The following VPS13B variants were observed in gnomAD, a reference collection of about 807,000 sequenced individuals.
VPS13B encodes the protein intermembrane lipid transfer protein VPS13B.
Under a neutral mutation model 426.4 loss-of-function variants are expected in VPS13B, and 285 were observed. The observed-to-expected ratio is 0.67, with a 90% CI of 0.61 to 0.74. The LOEUF (loss-of-function observed/expected upper bound fraction) is 0.74. Among genes scored for constraint, VPS13B ranks in the 30% least tolerant of loss-of-function variants. The pLI is 0.00. For missense variants in VPS13B, 4,537 were observed against 4,782.6 expected (o/e 0.95, Z 1.51); for synonymous variants, 1,676 against 1,676.4 (o/e 1.00, Z 0.01).
intron 23 of VPS13B, among the ~76,000 whole-genome samples, chr8:99,459,289 G>A (rs1818706480): frequency 6.6e-6 from 1 of 152,074 alleles, no homozygotes. Context: ...TTGAGTTTCT[G>A]TCTAATTATT....
In VPS13B at chr8:99,832,522, G is replaced by A; in HGVS notation, c.9484G>A (p.Gly3162Ser). Residue 3162 changes from glycine (G) to serine (S), a missense_variant, in exon 52 of 62, where the codon GGC (glycine) becomes AGC (serine). By Grantham distance (56) the Gly-to-Ser change is moderately conservative. Transcript: ENST00000357162. ...CCTGCTTCAGAAACAGATCATGCTGGGCTTTTCTCCTGCCCCAGGTGCTGA... is the reference window on the plus strand; with the variant it reads ...CCTGCTTCAGAAACAGATCATGCTGAGCTTTTCTCCTGCCCCAGGTGCTGA... Reference protein sequence around the residue: ...ASLLQKQIMLGFSPAPGADSS... With the variant: ...ASLLQKQIMLSFSPAPGADSS... 6.2e-7 allele frequency: 1 copy of A among 1,613,662 alleles called. No homozygotes were observed. Among genetic ancestry groups the A allele is most frequent in the African/African-American group, 1.3e-5 (1 of 74,890 alleles).
At chr8:99,263,521 C>A (rs1818156121) in intron 17 of VPS13B, among the ~76,000 whole-genome samples, 2 of 152,054 alleles carry the variant, frequency 1.3e-5, no homozygotes. Context: ...TAAGATAAAA[C>A]CCCTTTCCCT....
intron 19 of VPS13B, among the ~76,000 whole-genome samples, chr8:99,338,954 A>C (rs907227709): frequency 1.3e-5 from 2 of 152,202 alleles, no homozygotes; most frequent in African/African-American, 4.8e-5. Context: ...TGAGTATCAC[A>C]GATCAAAAAG....
intron 30 of VPS13B, among the ~76,000 whole-genome samples, chr8:99,548,943 C>T (rs945916220): frequency 2.0e-5 from 3 of 151,938 alleles, no homozygotes; most frequent in Non-Finnish European, 4.4e-5. Context: ...GCTAATTCTT[C>T]AAAATATAAT....
chr8:99,159,172 A>T (rs956331358), intron 15 of VPS13B, among the ~76,000 whole-genome samples: 1 of 152,210 alleles, frequency 6.6e-6, no homozygotes, highest in African/African-American at 2.4e-5. Flanking sequence ...CAAGAGAACT[A>T]GAATTGGTGT....
intron 19 of VPS13B, among the ~76,000 whole-genome samples, chr8:99,308,101 G>A (rs1047259526): frequency 1.3e-5 from 2 of 151,408 alleles, no homozygotes; most frequent in Non-Finnish European, 2.9e-5. Context: ...ATCCCATTGT[G>A]GCCTGAGAAG....
chr8:99,861,802 G>A lies in VPS13B; in HGVS notation c.11071G>A (p.Ala3691Thr), dbSNP rs142476821. 8,766 of 1,597,778 alleles carry A rather than the reference G, an allele frequency of 5.5e-3. 39 individuals are homozygous for A. The highest frequency in any genetic ancestry group is 6.9e-3 in the Non-Finnish European group (8,141 of 1,172,348). Residue 3691 changes from alanine (A) to threonine (T), a missense_variant, in exon 58 of 62, where the codon GCC (alanine) becomes ACC (threonine). Physicochemically the swap from Ala to Thr is moderately conservative, Grantham distance 58 (BLOSUM62 0). Coordinates refer to ENST00000357162, the MANE Select transcript of VPS13B (RefSeq NM_152564.5). Reference sequence around the variant, plus strand: ...TACCCTCACATCCATCACCAACCTCGCCACAAGCCTGGCCCGGAACATGGA... The same window carrying A: ...TACCCTCACATCCATCACCAACCTCACCACAAGCCTGGCCCGGAACATGGA... ...KGTLTSITNLATSLARNMDRL... is the reference protein window; with the variant it reads ...KGTLTSITNLTTSLARNMDRL...
intron 17 of VPS13B, among the ~76,000 whole-genome samples, chr8:99,262,539 CT>C (rs1487601868): frequency 2.0e-5 from 3 of 151,638 alleles, no homozygotes; most frequent in Non-Finnish European, 4.4e-5. Flanking sequence ...TGTGATAAAT[CT>C]TCCCCTCATT....
intron 33 of VPS13B, among the ~76,000 whole-genome samples, chr8:99,612,093 C>T (rs1165710857): frequency 6.6e-6 from 1 of 152,108 alleles, no homozygotes; most frequent in Non-Finnish European, 1.5e-5. Context: ...GTAAGTGATA[C>T]AGCCATGATT....
chr8:99,090,308 C>T (rs1846072091), intron 3 of VPS13B, among the ~76,000 whole-genome samples: 1 of 150,116 alleles, frequency 6.7e-6, no homozygotes, highest in Non-Finnish European at 1.5e-5. Flanking sequence ...CTCTCTGTCA[C>T]CCAGGCAGGA....
intron 52 of VPS13B, among the ~76,000 whole-genome samples, chr8:99,832,878 G>A (rs1169140973): frequency 2.6e-5 from 4 of 152,078 alleles, no homozygotes; most frequent in Non-Finnish European, 5.9e-5. Context: ...GCTTACGCTG[G>A]GGGGAAATGA....
intron 15 of VPS13B, among the ~76,000 whole-genome samples, chr8:99,158,475 A>C (rs557332338): frequency 6.6e-6 from 1 of 152,116 alleles, no homozygotes; most frequent in Non-Finnish European, 1.5e-5. Flanking sequence ...AGAGGTTGCA[A>C]TGAGCCAAGA....
At chr8:99,093,612 G>A (rs1846276166) in intron 3 of VPS13B, among the ~76,000 whole-genome samples, 1 of 148,118 alleles carries the variant, frequency 6.8e-6, no homozygotes, top group Non-Finnish European at 1.5e-5. Context: ...TCCCACCTAT[G>A]AGTGAGAATA....
At chr8:99,569,563 G>A (rs1825373314) in intron 31 of VPS13B, among the ~76,000 whole-genome samples, 1 of 152,014 alleles carries the variant, frequency 6.6e-6, no homozygotes, top group Admixed American at 6.5e-5. Flanking sequence ...CCTACTTCTG[G>A]TCTTTCATAA....
At chr8:99,494,890 T>C (rs1820806637) in intron 25 of VPS13B, among the ~76,000 whole-genome samples, 1 of 151,930 alleles carries the variant, frequency 6.6e-6, no homozygotes, top group Admixed American at 6.6e-5. Context: ...ACTGGCCCTT[T>C]ATTGCTTTTA....
At chr8:99,677,401 A>G (rs1367537046) in intron 35 of VPS13B, among the ~76,000 whole-genome samples, 1 of 152,158 alleles carries the variant, frequency 6.6e-6, no homozygotes, top group East Asian at 1.9e-4. Context: ...TTCCAGTGTC[A>G]GTGCTATATT....
In VPS13B at chr8:99,717,172, C is replaced by A. The variant is rs141845131; in HGVS notation, c.6456C>A (p.Gly2152=). The A allele has an allele frequency of 3.7e-6, 6 of 1,610,686 alleles. No homozygotes were observed. The Admixed American group carries it at 5.0e-5, about 13-fold the overall frequency. ...TACTCTTCTGTATTTTTTTTTCAGG[C>A]ATAATTCTTGGGTCATCATTTCTAC... ...LSVKATQKVP[G]IILGSSFLLS... is the part of the protein sequence containing the mutation. Residue 2152 remains glycine (G), a splice_region_variant and synonymous_variant, in exon 37 of 62, where the codon GGC becomes GGA. Coordinates refer to ENST00000357162, the MANE Select transcript of VPS13B (RefSeq NM_152564.5).
chr8:99,745,784 T>G (rs1465887823), intron 39 of VPS13B, among the ~76,000 whole-genome samples: 1 of 152,118 alleles, frequency 6.6e-6, no homozygotes. Context: ...GTTCTCCACT[T>G]TTTGTTGATG....
intron 33 of VPS13B, among the ~76,000 whole-genome samples, chr8:99,598,930 G>A (rs1490261998): frequency 1.3e-5 from 2 of 151,544 alleles, no homozygotes; most frequent in Non-Finnish European, 2.9e-5. Context: ...AATTACTTTA[G>A]CCAACATAAA....
Sources: gnomAD v4.1 joint callset for allele counts (sites outside exome capture counted in the v4.1 genomes callset) on GRCh38, gnomAD v4.1.1 for gene constraint, MANE v1.5 for transcripts, NCBI Gene and HGNC (gene_info 2026-07-23, HGNC 2026-07-21) for gene names.